HSBP1L1: variants seen among roughly 807,000 people sequenced by gnomAD.
HSBP1L1 encodes the protein heat shock factor binding protein 1 like 1.
Under a neutral mutation model 9.7 loss-of-function variants are expected in HSBP1L1, and 8 were observed. That is an observed-to-expected ratio of 0.82 (90% CI 0.48 to 1.48). The LOEUF (loss-of-function observed/expected upper bound fraction) is 1.48, where lower values mean the gene tolerates loss of function less well. Ranked by LOEUF, HSBP1L1 falls within the 40% of genes most tolerant of loss-of-function variation. The pLI is 0.00. For missense variants in HSBP1L1, 106 were observed against 95.8 expected (o/e 1.11, Z -0.44); for synonymous variants, 39 against 34.4 (o/e 1.13, Z -0.46).
chr18:79,964,698 A>C lies in HSBP1L1; in HGVS notation c.-38A>C. On this transcript the variant is annotated 5_prime_UTR_variant, in exon 1 of 4. Coordinates refer to ENST00000451882, the MANE Select transcript of HSBP1L1 (RefSeq NM_001136180.2). ...ACCTCGCGCCGGGTCCGCGCGGCCCACGGGACCCCCCACTGACGCCCCCGG... is the reference window on the plus strand; with the variant it reads ...ACCTCGCGCCGGGTCCGCGCGGCCCCCGGGACCCCCCACTGACGCCCCCGG... 1 of 1,306,872 alleles carries C rather than the reference A, an allele frequency of 7.7e-7. No individual in the cohort carries two copies. The highest frequency in any genetic ancestry group is 3.1e-5 in the East Asian group (1 of 32,204). 81.0% of individuals were successfully genotyped at this position (1,306,872 alleles called of 1,614,324 possible). A position where few individuals can be genotyped will look rare whatever the true frequency, so the allele number is the denominator to read the frequency against.
rs1231438845 is a variant in HSBP1L1, at chr18:79,969,329, GAAAA to G, written c.214-1109_214-1106del. Among the ~76,000 whole-genome samples the G allele has an allele frequency of 2.8e-4, 21 of 75,756 alleles. 1 individual carries two copies. Among genetic ancestry groups the G allele is most frequent in the African/African-American group, 3.2e-4 (6 of 18,756 alleles). The allele number at this position is 75,756 out of a possible 152,430, so 49.7% of individuals were successfully genotyped here. A position where few individuals can be genotyped will look rare whatever the true frequency, so the allele number is the denominator to read the frequency against. The stretch of plus-strand genomic sequence containing the variant: ...GAGAGAAAGGAAAGAAAGAAAGAAA[GAAAA>G]AGAAAGAAAGAAAGAAAGAAAGAAA... On this transcript the variant is annotated intron_variant, in intron 3 of 3. Transcript: ENST00000451882.
At chr18:79,970,313 A>G (rs898389905) in intron 3 of HSBP1L1, 127 bp from the exon 4 acceptor site, 2 of 685,866 alleles carry the variant, frequency 2.9e-6, no homozygotes, top group Non-Finnish European at 2.8e-6. Context: ...ACAGAGTCCA[A>G]ATCATTATGA....
At position 79,965,728 on chromosome 18, in the gene HSBP1L1, C is replaced by T. The variant is rs569742125; in HGVS notation, c.52-884C>T. Among the ~76,000 whole-genome samples the T allele has an allele frequency of 8.5e-5, 13 of 152,280 alleles. No individual in the cohort carries two copies. The South Asian group carries it at 2.1e-3, about 24-fold the overall frequency. On this transcript the variant is annotated intron_variant, in intron 1 of 3. Transcript: ENST00000451882. ...TCCTCTGCATGCTTTATGGCCTTGG[C>T]TCTGGGCCAAGGTGTGTGATCTCCT... is the stretch of plus-strand genomic sequence containing the variant.
chr18:79,969,487 C>T (rs2051283547), intron 3 of HSBP1L1, among the ~76,000 whole-genome samples: 1 of 152,156 alleles, frequency 6.6e-6, no homozygotes, highest in Admixed American at 6.6e-5. Context: ...ACCTCCAGGT[C>T]AGAAAGCTGG....
At chr18:79,969,239 A>AG (rs1280658588) in intron 3 of HSBP1L1, among the ~76,000 whole-genome samples, 1 of 105,966 alleles carries the variant, frequency 9.4e-6, no homozygotes, top group Non-Finnish European at 1.9e-5. Context: ...GAGAGAGGAG[A>AG]GAGAGGAGAG....
chr18:79,970,388 T>A (rs2051289156), intron 3 of HSBP1L1, 52 bp from the exon 4 acceptor site: 1 of 718,450 alleles, frequency 1.4e-6, no homozygotes, highest in Non-Finnish European at 2.6e-6. Flanking sequence ...GTGAACATAC[T>A]TAATACACCT....
At chr18:79,966,414 C>T (rs867556320) in intron 1 of HSBP1L1, among the ~76,000 whole-genome samples, 198 bp from the exon 2 acceptor site, 44 of 152,184 alleles carry the variant, frequency 2.9e-4, no homozygotes, top group Middle Eastern at 6.8e-3. Context: ...CCTGGTGGCA[C>T]ATGCTTGTAA....
chr18:79,965,404 T>G (rs2051251900), intron 1 of HSBP1L1, among the ~76,000 whole-genome samples: 1 of 152,106 alleles, frequency 6.6e-6, no homozygotes, highest in East Asian at 1.9e-4. Flanking sequence ...GGCCTCCTCC[T>G]ATGTCGACGG....
chr18:79,969,302 G>A (rs1568356487), intron 3 of HSBP1L1, among the ~76,000 whole-genome samples: 25 of 74,466 alleles, frequency 3.4e-4, no homozygotes, highest in African/African-American at 8.5e-4. Flanking sequence ...GAGGGAGAGA[G>A]AGAGAGAAAG....
At chr18:79,965,937 A>T (rs982402465) in intron 1 of HSBP1L1, among the ~76,000 whole-genome samples, 1 of 151,796 alleles carries the variant, frequency 6.6e-6, no homozygotes, top group Admixed American at 6.6e-5. Context: ...TATTTTTTTT[A>T]TTTTTATTTT....
intron 3 of HSBP1L1, 181 bp from the exon 4 acceptor site, chr18:79,970,259 A>G: frequency 1.8e-6 from 1 of 546,574 alleles, no homozygotes. Context: ...CACTTAAGTC[A>G]GGGCAAGGTA....
rs2051290589 is a variant in HSBP1L1, at chr18:79,970,535, A to G, written c.*84A>G. 3 of 716,220 alleles carry G rather than the reference A, an allele frequency of 4.2e-6. No individual in the cohort carries two copies. The highest frequency in any genetic ancestry group is 3.0e-5 in the South Asian group (2 of 67,518). 44.4% of individuals were successfully genotyped at this position (716,220 alleles called of 1,614,324 possible). A position where few individuals can be genotyped will look rare whatever the true frequency, so the allele number is the denominator to read the frequency against. ...GTCCTGAGGGTGGGGCCCTCATCCA[A>G]CAGGATTCGTCTTTCTGAGAAGAGA... On this transcript the variant is annotated 3_prime_UTR_variant, in exon 4 of 4. Coordinates refer to ENST00000451882, the MANE Select transcript of HSBP1L1 (RefSeq NM_001136180.2).
chr18:79,970,077 G>C (rs2051287088), intron 3 of HSBP1L1: 2 of 220,862 alleles, frequency 9.1e-6, no homozygotes, highest in South Asian at 1.5e-4. Flanking sequence ...CTTGATTAAA[G>C]CACCACAGTG....
intron 1 of HSBP1L1, among the ~76,000 whole-genome samples, chr18:79,966,041 C>G (rs2051255194): frequency 6.6e-6 from 1 of 152,090 alleles, no homozygotes; most frequent in Non-Finnish European, 1.5e-5. Context: ...ACGCCATTCT[C>G]CTGCCTCAGC....
intron 2 of HSBP1L1, 174 bp from the exon 3 acceptor site, chr18:79,967,913 GAC>G (rs1312388299): frequency 1.3e-4 from 69 of 522,830 alleles, no homozygotes; most frequent in Non-Finnish European, 2.2e-4. Flanking sequence ...AGGTTAAAGA[GAC>G]ACACTGAGGA....
At chr18:79,965,625 G>A (rs1430598) in intron 1 of HSBP1L1, among the ~76,000 whole-genome samples, 3,040 of 152,210 alleles carry the variant, frequency 0.02, 121 homozygotes, top group African/African-American at 0.068. Context: ...AGCAATGGTG[G>A]TATTTCTGTG....
In HSBP1L1 at chr18:79,968,107, G is replaced by A. The variant is rs143104176; in HGVS notation, c.137G>A (p.Arg46His). The A allele has an allele frequency of 2.4e-4, 377 of 1,549,196 alleles. 1 individual carries two copies. The African/African-American group carries it at 4.1e-3, about 17-fold the overall frequency. ...ACTGTACTGGAAGAAATGGGAAATC[G>A]CATTGAGGACTTACAGAAGAATGTC... is the stretch of plus-strand genomic sequence containing the variant. ...LNLRMEEMGN[R>H]IEDLQKNVKD... The change falls in exon 3 of 4, where the codon CGC becomes CAC. Residue 46 changes from arginine to histidine, a missense_variant. By Grantham distance (29) the Arg-to-His change is conservative (BLOSUM62 0). Transcript: ENST00000451882.
At chr18:79,964,886 T>A in intron 1 of HSBP1L1, 100 bp downstream of exon 1, 1 of 182,874 alleles carries the variant, frequency 5.5e-6, no homozygotes, top group Non-Finnish European at 9.7e-6. Context: ...GTGCTGGGGG[T>A]GCCCTGCGGT....
chr18:79,970,506 A>G lies in HSBP1L1; in HGVS notation c.*55A>G. The G allele has an allele frequency of 1.4e-6, 1 of 718,190 alleles. No homozygotes were observed. The highest frequency in any genetic ancestry group is 2.6e-6 in the Non-Finnish European group (1 of 384,788). The allele number at this position is 718,190 out of a possible 1,614,324, so 44.5% of individuals were successfully genotyped here. A position where few individuals can be genotyped will look rare whatever the true frequency, so the allele number is the denominator to read the frequency against. On this transcript the variant is annotated 3_prime_UTR_variant, in exon 4 of 4. Coordinates refer to ENST00000451882, the MANE Select transcript of HSBP1L1 (RefSeq NM_001136180.2). Reference sequence around the variant, plus strand: ...CCTCTACAGAAGTCATTAAGGTTACATCGGTCCTGAGGGTGGGGCCCTCAT... The same window carrying G: ...CCTCTACAGAAGTCATTAAGGTTACGTCGGTCCTGAGGGTGGGGCCCTCAT...
Sources: gnomAD v4.1 joint callset for allele counts (sites outside exome capture counted in the v4.1 genomes callset) on GRCh38, gnomAD v4.1.1 for gene constraint, MANE v1.5 for transcripts, NCBI Gene and HGNC (gene_info 2026-07-23, HGNC 2026-07-21) for gene names.